The following PDLIM3 variants were observed in gnomAD, a reference collection of about 807,000 sequenced individuals.
PDLIM3 encodes the protein PDZ and LIM domain 3.
A neutral mutation model predicts 37.3 loss-of-function variants in PDLIM3; 36 were observed. The ratio of observed to expected loss-of-function variants is 0.97; its 90% confidence interval spans 0.74 to 1.28. The LOEUF is 1.28. Among genes scored for constraint, PDLIM3 ranks in the 50% most tolerant of loss-of-function variants. The pLI, the probability that PDLIM3 is intolerant of heterozygous loss-of-function variation, is 0.00. For missense variants in PDLIM3, 454 were observed against 485.0 expected, an observed-to-expected ratio of 0.94 and a Z score of 0.60; for synonymous variants, 174 against 182.4, an observed-to-expected ratio of 0.95 and a Z score of 0.37.
intron 2 of PDLIM3, 133 bp downstream of exon 2, chr4:185,524,887 G>T: frequency 1.3e-6 from 1 of 796,792 alleles, no homozygotes; most frequent in Non-Finnish European, 2.2e-6. Context: ...GAATTAAGTA[G>T]CTAATATATA....
intron 1 of PDLIM3, among the ~76,000 whole-genome samples, chr4:185,534,882 A>T (rs1443063077): frequency 6.6e-6 from 1 of 152,208 alleles, no homozygotes; most frequent in Non-Finnish European, 1.5e-5. Flanking sequence ...TCCGGACGAG[A>T]AAAACGCTCA....
intron 7 of PDLIM3, among the ~76,000 whole-genome samples, chr4:185,503,370 T>A (rs1363602508): frequency 1.3e-5 from 2 of 152,188 alleles, no homozygotes; most frequent in African/African-American, 4.8e-5. Flanking sequence ...TCTGGTAACG[T>A]CAGGCACTGT....
rs34943562 is a variant in PDLIM3 at position 185,506,637 on chromosome 4, C to T, written c.678G>A (p.Ser226=). The T allele has an allele frequency of 5.5e-3, 8,798 of 1,605,846 alleles. 408 individuals are homozygous for T. The African/African-American group carries it at 0.1, about 18-fold the overall frequency. Residue 226 remains serine (S), a synonymous_variant, in exon 6 of 8, where the codon TCG becomes TCA. Transcript: ENST00000284767. ...ETPLMSEPTA[S]VPPESDVYRM... is the part of the protein sequence containing the mutation. The stretch of plus-strand genomic sequence containing the variant: ...GGTACACGTCCGACTCGGGGGGCAC[C>T]GAGGCTGTGGGCTCGCTGAAACACA...
intron 3 of PDLIM3, among the ~76,000 whole-genome samples, chr4:185,519,704 AC>A (rs2095720167): frequency 1.3e-5 from 2 of 152,326 alleles, no homozygotes; most frequent in South Asian, 4.1e-4. Context: ...AAATAAACAT[AC>A]TAATATTTAA....
At chr4:185,534,545 G>A (rs1229311672) in intron 1 of PDLIM3, among the ~76,000 whole-genome samples, 1 of 152,190 alleles carries the variant, frequency 6.6e-6, no homozygotes, top group African/African-American at 2.4e-5. Flanking sequence ...GAAACCCTGA[G>A]GTTTTATTTT....
chr4:185,523,624 C>CT (rs35844944), intron 2 of PDLIM3, among the ~76,000 whole-genome samples, 178 bp from the exon 3 acceptor site: 17 of 119,724 alleles, frequency 1.4e-4, no homozygotes, highest in South Asian at 2.6e-4. Flanking sequence ...TTCCCCCCCC[C>CT]TTTTTTTTTC....
At position 185,501,535 on chromosome 4, in the gene PDLIM3, T is replaced by C. The variant is rs1360344342; in HGVS notation, c.*759A>G. ...GTCTCTGTTGAAGCAAGTGAAACTT[T>C]TAATTTGAAAGAGACTGAACTACCT... On this transcript the variant is annotated 3_prime_UTR_variant, in exon 8 of 8. Coordinates refer to ENST00000284767, the MANE Select transcript of PDLIM3 (RefSeq NM_014476.6). 5.9e-5 allele frequency: 9 copies of C among 152,246 alleles called. No homozygotes were observed. Among genetic ancestry groups the C allele is most frequent in the Admixed American group, 5.9e-4 (9 of 15,270 alleles). 9.4% of individuals were successfully genotyped at this position (152,246 alleles called of 1,614,324 possible).
At chr4:185,527,039 G>A (rs554236305) in intron 1 of PDLIM3, among the ~76,000 whole-genome samples, 4 of 152,258 alleles carry the variant, frequency 2.6e-5, no homozygotes, top group African/African-American at 9.6e-5. Context: ...TTGAGGATAT[G>A]TACAATATGA....
chr4:185,530,967 A>AACACAC (rs755319452), intron 1 of PDLIM3, among the ~76,000 whole-genome samples: 12 of 51,420 alleles, frequency 2.3e-4, no homozygotes, highest in East Asian at 7.3e-4. Flanking sequence ...CATGCATAGA[A>AACACAC]ACACACACAC....
At chr4:185,510,646 T>C (rs1382113068) in intron 4 of PDLIM3, among the ~76,000 whole-genome samples, 1 of 152,142 alleles carries the variant, frequency 6.6e-6, no homozygotes, top group Middle Eastern at 3.2e-3. Context: ...TTTTCCAACA[T>C]ATTTATTGGA....
At chr4:185,513,540 A>T in intron 4 of PDLIM3, 5 of 984,304 alleles carry the variant, frequency 5.1e-6, no homozygotes, top group Non-Finnish European at 6.0e-6. Flanking sequence ...TAAACAAAAG[A>T]ATTAAATAAA....
intron 3 of PDLIM3, among the ~76,000 whole-genome samples, chr4:185,519,127 A>C (rs1475521530): frequency 6.6e-6 from 1 of 152,184 alleles, no homozygotes; most frequent in Non-Finnish European, 1.5e-5. Context: ...TGTACAGAAA[A>C]ATAGAGAAAA....
chr4:185,514,276 C>A lies in PDLIM3; in HGVS notation c.392G>T (p.Arg131Leu), dbSNP rs866105307. 8.7e-6 allele frequency: 14 copies of A among 1,614,100 alleles called. No individual in the cohort carries two copies. Among genetic ancestry groups the A allele is most frequent in the Non-Finnish European group, 1.2e-5 (14 of 1,180,048 alleles). The change falls in exon 4 of 8, where the codon CGA (arginine) becomes CTA (leucine). Residue 131 changes from arginine to leucine, a missense_variant. Coordinates refer to ENST00000284767, the MANE Select transcript of PDLIM3 (RefSeq NM_014476.6). The surrounding 1 kb of genome is among the most constrained non-coding windows in gnomAD (Gnocchi z 4.0). Reference sequence around the variant, plus strand: ...CAGTCTCAGCGCTTATGACCTGCTTCGGCCCGGGATCACGAAAGGTTTGGG... The same window carrying A: ...CAGTCTCAGCGCTTATGACCTGCTTAGGCCCGGGATCACGAAAGGTTTGGG... ...IRPKPFVIPGRSSGCSTPSGI... is the reference protein window; with the variant it reads ...IRPKPFVIPGLSSGCSTPSGI...
rs764554717 is a variant in PDLIM3 at position 185,523,448 on chromosome 4, T to C, written c.246-2A>G. 2 of 1,582,162 alleles carry C rather than the reference T, an allele frequency of 1.3e-6. No individual in the cohort carries two copies. Among genetic ancestry groups the C allele is most frequent in the Non-Finnish European group, 1.7e-6 (2 of 1,151,840 alleles). On this transcript the variant is annotated splice_acceptor_variant, in intron 2 of 7. Coordinates refer to ENST00000284767, the MANE Select transcript of PDLIM3 (RefSeq NM_014476.6). LOFTEE classifies it high-confidence loss of function. The stretch of plus-strand genomic sequence containing the variant: ...GGAGACCATAAGTGAGTTTCTCCCC[T>C]GGAAATAAAATAAAATTTGTAAACT...
intron 6 of PDLIM3, among the ~76,000 whole-genome samples, chr4:185,505,626 GA>G (rs56912630): frequency 0.71 from 104,817 of 147,802 alleles, 39,961 homozygotes; most frequent in Non-Finnish European, 0.85. Context: ...TCTCAAAAAA[GA>G]AAAAAAAAAA....
At chr4:185,503,210 C>A (rs571428469) in intron 7 of PDLIM3, among the ~76,000 whole-genome samples, 3 of 149,778 alleles carry the variant, frequency 2.0e-5, no homozygotes, top group Non-Finnish European at 4.4e-5. Flanking sequence ...GGCGACAGAG[C>A]GAGACTGTCT....
chr4:185,522,503 T>A (rs1183061244), intron 3 of PDLIM3, among the ~76,000 whole-genome samples: 4 of 66,684 alleles, frequency 6.0e-5, no homozygotes, highest in African/African-American at 1.1e-4. Context: ...CTGCTAAACA[T>A]AAATTACAAA....
chr4:185,508,230 A>G (rs1027858437), intron 5 of PDLIM3, 69 bp downstream of exon 5: 2 of 1,421,834 alleles, frequency 1.4e-6, no homozygotes, highest in African/African-American at 2.8e-5. Context: ...ATGTTAAAAG[A>G]CACCAGTAAA....
At chr4:185,509,352 A>G (rs1244678578) in intron 4 of PDLIM3, among the ~76,000 whole-genome samples, 1 of 152,216 alleles carries the variant, frequency 6.6e-6, no homozygotes, top group Non-Finnish European at 1.5e-5. Flanking sequence ...TTCGATGCTT[A>G]TATTTCTTAC....
Sources: allele counts gnomAD v4.1 joint callset (sites outside exome capture counted in the v4.1 genomes callset), GRCh38; gene constraint gnomAD v4.1.1; non-coding constraint Gnocchi (gnomAD v3.1); transcripts MANE v1.5; gene names NCBI Gene and HGNC (gene_info 2026-07-23, HGNC 2026-07-21).